The following DPP6 variants were observed in gnomAD, a reference collection of about 807,000 sequenced individuals.
The protein encoded by DPP6 is A-type potassium channel modulatory protein DPP6.
In DPP6, 69 loss-of-function variants were observed where a neutral mutation model predicts 122.6. The ratio of observed to expected loss-of-function variants is 0.56; its 90% CI spans 0.46 to 0.69. The LOEUF is 0.69. DPP6 is among the 30% of genes least tolerant of loss of function. The probability of loss-of-function intolerance (pLI) is 0.00; values close to 1 mark genes in which losing one functional copy is unlikely to be tolerated. For missense variants in DPP6, 928 were observed against 1,116.9 expected (o/e 0.83, Z 2.41); for synonymous variants, 418 against 433.1 (o/e 0.97, Z 0.43).
intron 1 of DPP6, among the ~76,000 whole-genome samples, chr7:153,937,432 G>A (rs997409413): frequency 1.4e-5 from 2 of 139,570 alleles, no homozygotes; most frequent in Admixed American, 7.5e-5. Context: ...CCTCTTCAGA[G>A]CTAACTTTTT....
At chr7:153,895,765 A>G (rs972988263) in intron 1 of DPP6, among the ~76,000 whole-genome samples, 35 of 144,862 alleles carry the variant, frequency 2.4e-4, no homozygotes, top group Non-Finnish European at 4.9e-4. Context: ...CACACACACA[A>G]TGTTCATACA....
intron 1 of DPP6, among the ~76,000 whole-genome samples, chr7:153,940,100 C>T (rs1801629109): frequency 6.6e-6 from 1 of 152,180 alleles, no homozygotes; most frequent in Non-Finnish European, 1.5e-5. Flanking sequence ...CTTCCTCCTC[C>T]CTCTTTTGAG....
chr7:154,444,482 A>G (rs1306352869), intron 1 of DPP6, among the ~76,000 whole-genome samples: 1 of 152,170 alleles, frequency 6.6e-6, no homozygotes, highest in Non-Finnish European at 1.5e-5. Context: ...AAATAGAAAC[A>G]ATACTCAAAA....
intron 1 of DPP6, among the ~76,000 whole-genome samples, chr7:154,192,631 G>A (rs1191132211): frequency 1.3e-5 from 2 of 152,234 alleles, no homozygotes; most frequent in Admixed American, 1.3e-4. Flanking sequence ...AGAAGCTTGA[G>A]GAAGGCCACA....
chr7:154,692,633 C>G (rs904556507), intron 7 of DPP6, among the ~76,000 whole-genome samples: 7 of 152,132 alleles, frequency 4.6e-5, no homozygotes, highest in Non-Finnish European at 1.0e-4. Flanking sequence ...GTGTGAAATT[C>G]TAATTTCTGA....
At chr7:154,175,270 A>G (rs1044253062) in intron 1 of DPP6, among the ~76,000 whole-genome samples, 1 of 152,134 alleles carries the variant, frequency 6.6e-6, no homozygotes, top group Non-Finnish European at 1.5e-5. Flanking sequence ...GAGACTTTGC[A>G]GATGGAATTA....
the DPP6 span, among the ~76,000 whole-genome samples, chr7:153,835,306 GGT>G: frequency 6.6e-6 from 1 of 151,898 alleles, no homozygotes; most frequent in Admixed American, 6.6e-5. Flanking sequence ...CTGTCTTCCT[GGT>G]GTCTTTCAAA....
chr7:154,286,677 G>T (rs1385162312), intron 1 of DPP6, among the ~76,000 whole-genome samples: 5 of 152,078 alleles, frequency 3.3e-5, no homozygotes. Flanking sequence ...GACCTTGGGG[G>T]ACTGTCCAGC....
At chr7:153,994,866 A>T (rs1797351944) in intron 1 of DPP6, among the ~76,000 whole-genome samples, 1 of 152,208 alleles carries the variant, frequency 6.6e-6, no homozygotes, top group Non-Finnish European at 1.5e-5. Flanking sequence ...AACTGGTTTT[A>T]GAAGATGCTT....
chr7:154,533,348 A>G (rs1247978711), intron 3 of DPP6, among the ~76,000 whole-genome samples: 1 of 152,202 alleles, frequency 6.6e-6, no homozygotes, highest in Non-Finnish European at 1.5e-5. Context: ...GACATGGACA[A>G]ATCATCAAAT....
intron 1 of DPP6, among the ~76,000 whole-genome samples, chr7:154,349,718 A>C (rs1273644734): frequency 6.6e-6 from 1 of 152,194 alleles, no homozygotes; most frequent in Non-Finnish European, 1.5e-5. Context: ...TGTCAGCTAG[A>C]GTAAGTGTGC....
At chr7:153,823,907 C>T in the DPP6 span, among the ~76,000 whole-genome samples, 4,321 of 152,080 alleles carry the variant, frequency 0.028, 167 homozygotes, top group African/African-American at 0.098. Context: ...CTCTGTTGTG[C>T]ATTGTGCATT....
At chr7:154,423,647 A>G (rs892604516) in intron 1 of DPP6, among the ~76,000 whole-genome samples, 3 of 152,242 alleles carry the variant, frequency 2.0e-5, no homozygotes, top group African/African-American at 7.2e-5. Flanking sequence ...GCATTTAGAT[A>G]TCTCTGAATA....
intron 1 of DPP6, among the ~76,000 whole-genome samples, chr7:154,103,706 A>G (rs539151429): frequency 7.2e-5 from 11 of 152,366 alleles, no homozygotes; most frequent in African/African-American, 2.4e-4. Flanking sequence ...TGCAGGCAGA[A>G]CAAAGCAGGC....
chr7:154,255,826 T>C (rs62485808), intron 1 of DPP6, among the ~76,000 whole-genome samples: 1 of 152,086 alleles, frequency 6.6e-6, no homozygotes, highest in Admixed American at 6.5e-5. Flanking sequence ...GGAAAAATTG[T>C]CTGTCAAATA....
chr7:154,399,108 G>C (rs1248800544), intron 1 of DPP6, among the ~76,000 whole-genome samples: 2 of 152,110 alleles, frequency 1.3e-5, no homozygotes, highest in African/African-American at 4.8e-5. Flanking sequence ...TCTGAGGCGA[G>C]AGAGACCAAA....
chr7:154,143,272 A>T lies in DPP6; in HGVS notation c.243+90209A>T, dbSNP rs575265567. Among the ~76,000 whole-genome samples the T allele has an allele frequency of 1.2e-4, 18 of 152,324 alleles. No homozygotes were observed. The East Asian group carries it at 2.9e-3, about 24-fold the overall frequency. ...AGATAAGTCTTTTCTGACCGTTCCC[A>T]ATCCTGAAAGTTCTAACATGGAGAC... On this transcript the variant is annotated intron_variant, in intron 1 of 25. Transcript: ENST00000377770.
At chr7:153,786,328 T>G in the DPP6 span, among the ~76,000 whole-genome samples, 1 of 149,590 alleles carries the variant, frequency 6.7e-6, no homozygotes, top group Non-Finnish European at 1.5e-5. Flanking sequence ...GGATTGCATA[T>G]CAAATATGAC....
intron 1 of DPP6, among the ~76,000 whole-genome samples, chr7:154,071,629 G>A (rs186055731): frequency 5.3e-5 from 8 of 152,140 alleles, no homozygotes; most frequent in African/African-American, 1.7e-4. Flanking sequence ...TCAAGGCTTC[G>A]GCAATCTCGT....
Sources: allele counts gnomAD v4.1 joint callset (sites outside exome capture counted in the v4.1 genomes callset), GRCh38; gene constraint gnomAD v4.1.1; transcripts MANE v1.5; gene names NCBI Gene and HGNC (gene_info 2026-07-23, HGNC 2026-07-21).